The following NTRK2 variants were observed in gnomAD, a reference collection of about 807,000 sequenced individuals.
NTRK2 encodes BDNF/NT-3 growth factors receptor.
In NTRK2, 13 loss-of-function variants were observed where a neutral mutation model predicts 94.5. The observed-to-expected ratio is 0.14, with a 90% CI of 0.09 to 0.22. NTRK2 has a LOEUF of 0.22. Ranked by LOEUF, NTRK2 falls within the 10% of genes least tolerant of loss-of-function variation. The pLI is 1.00. For missense variants in NTRK2, 639 were observed against 1,071.2 expected (o/e 0.60, Z 5.63); for synonymous variants, 372 against 407.4 (o/e 0.91, Z 1.05).
intron 17 of NTRK2, among the ~76,000 whole-genome samples, chr9:84,987,951 A>AATCTTTACTG (rs1588125190): frequency 6.6e-6 from 1 of 152,318 alleles, no homozygotes; most frequent in East Asian, 1.9e-4. Context: ...ACTTCCTTAA[A>AATCTTTACTG]ATCTTTACTG....
At chr9:84,924,676 G>A (rs1452252870) in intron 14 of NTRK2, among the ~76,000 whole-genome samples, 3 of 152,170 alleles carry the variant, frequency 2.0e-5, no homozygotes, top group African/African-American at 4.8e-5. Context: ...GATTTCTGGG[G>A]CTTTCCCCCC....
intron 17 of NTRK2, among the ~76,000 whole-genome samples, chr9:84,998,888 G>A (rs1830049626): frequency 6.6e-6 from 1 of 152,202 alleles, no homozygotes; most frequent in Admixed American, 6.5e-5. Flanking sequence ...AAGTACCAAT[G>A]TGTGAAAGGT....
intron 15 of NTRK2, among the ~76,000 whole-genome samples, chr9:84,940,267 G>T (rs1430577375): frequency 6.6e-6 from 1 of 152,202 alleles, no homozygotes; most frequent in Non-Finnish European, 1.5e-5. Flanking sequence ...AATAGGAATT[G>T]CAGGAGAGCT....
chr9:84,881,363 G>A lies in NTRK2; in HGVS notation c.1633+13932G>A, dbSNP rs142917891. 5.3e-5 allele frequency among the ~76,000 whole-genome samples: 8 copies of A among 152,298 alleles called. No individual in the cohort carries two copies. In the East Asian group the frequency reaches 7.7e-4, roughly 15 times the overall value. ...CGTATGTCTCTGTTGGATGATGAAC[G>A]TGTAATCAGGAAGTCACGTCTCACC... On this transcript the variant is annotated intron_variant, in intron 14 of 18. Coordinates refer to ENST00000277120, the MANE Select transcript of NTRK2 (RefSeq NM_006180.6).
chr9:84,853,327 G>A (rs1041097864), intron 12 of NTRK2, among the ~76,000 whole-genome samples: 2 of 152,138 alleles, frequency 1.3e-5, no homozygotes, highest in African/African-American at 2.4e-5. Context: ...AGGTCATGCC[G>A]TTCACTTCTG....
chr9:85,007,405 G>C (rs1250574560), intron 17 of NTRK2, among the ~76,000 whole-genome samples: 1 of 152,192 alleles, frequency 6.6e-6, no homozygotes, highest in East Asian at 1.9e-4. Context: ...ATCAAACGGG[G>C]CACAAGCAGC....
intron 14 of NTRK2, chr9:84,872,061 G>A (rs199669618): frequency 2.1e-5 from 29 of 1,379,882 alleles, no homozygotes; most frequent in South Asian, 3.1e-5. Flanking sequence ...CCATCTCCTC[G>A]ATCAATCAGG....
intron 17 of NTRK2, among the ~76,000 whole-genome samples, chr9:85,018,703 GGTCAGT>G (rs1034104131): frequency 2.0e-5 from 3 of 152,298 alleles, no homozygotes; most frequent in Non-Finnish European, 4.4e-5. Context: ...CTTTCTGGTT[GGTCAGT>G]GTCTGTGCCA....
intron 12 of NTRK2, among the ~76,000 whole-genome samples, chr9:84,855,443 G>A (rs2075017379): frequency 1.3e-5 from 2 of 152,126 alleles, no homozygotes; most frequent in African/African-American, 4.8e-5. Context: ...TAGCATTTGG[G>A]GGTGAGAACT....
intron 12 of NTRK2, among the ~76,000 whole-genome samples, chr9:84,784,200 G>A (rs576293732): frequency 9.2e-5 from 14 of 152,144 alleles, no homozygotes; most frequent in Non-Finnish European, 2.1e-4. Context: ...AGTCTCACCT[G>A]TCTTTAAATT....
chr9:84,810,319 A>G (rs1406472934), intron 12 of NTRK2, among the ~76,000 whole-genome samples: 1 of 152,240 alleles, frequency 6.6e-6, no homozygotes, highest in Non-Finnish European at 1.5e-5. Flanking sequence ...ATGTAAAATC[A>G]GTTTTAAGTT....
intron 12 of NTRK2, chr9:84,815,850 G>A (rs2072341579): frequency 1.6e-6 from 1 of 619,302 alleles, no homozygotes; most frequent in Non-Finnish European, 2.0e-6. Context: ...AGTTTCAGGG[G>A]AGTACCAGGC....
chr9:84,720,981 C>T (rs1456931503), intron 6 of NTRK2, among the ~76,000 whole-genome samples: 1 of 152,176 alleles, frequency 6.6e-6, no homozygotes, highest in East Asian at 1.9e-4. Flanking sequence ...GGTCCAACCT[C>T]CAAACAATAG....
rs2060382074 is a variant in NTRK2, at chr9:84,696,463, A to G, written c.213-5696A>G. ...TTTCCTTTGTTTGCTTGTTTTCTGC[A>G]TGAGAAGTGAAGCTGTGTCCTATGA... On this transcript the variant is annotated intron_variant, in intron 2 of 18. Coordinates refer to ENST00000277120, the MANE Select transcript of NTRK2 (RefSeq NM_006180.6). 2.6e-5 allele frequency among the ~76,000 whole-genome samples: 4 copies of G among 152,140 alleles called. No individual in the cohort carries two copies. The South Asian group carries it at 8.3e-4, about 31-fold the overall frequency.
At chr9:84,865,688 C>T (rs543137862) in intron 13 of NTRK2, among the ~76,000 whole-genome samples, 1 of 152,324 alleles carries the variant, frequency 6.6e-6, no homozygotes, top group South Asian at 2.1e-4. Context: ...CAGACATTTC[C>T]CTGGCATGGC....
chr9:84,812,168 C>G, intron 12 of NTRK2: 1 of 1,058,228 alleles, frequency 9.4e-7, no homozygotes, highest in Non-Finnish European at 1.1e-6. Flanking sequence ...CTCTGTAAAC[C>G]AAGGCATTAA....
At chr9:84,876,918 AT>A in intron 14 of NTRK2, 3 of 1,061,332 alleles carry the variant, frequency 2.8e-6, no homozygotes, top group Non-Finnish European at 3.4e-6. Context: ...GAGATTTTTG[AT>A]TTCACTGAAT....
rs115635134 is a variant in NTRK2, at chr9:84,786,769, A to G, written c.1396+34684A>G. 5.9e-3 allele frequency among the ~76,000 whole-genome samples: 897 copies of G among 152,126 alleles called. 17 individuals carry two copies. The highest frequency in any genetic ancestry group is 0.021 in the African/African-American group (854 of 41,480). ...GGCCACCACGTGTGTGTGCTTGCAAACTCATTTTTTGCTTTGAGAAACTGT... is the reference window on the plus strand; with the variant it reads ...GGCCACCACGTGTGTGTGCTTGCAAGCTCATTTTTTGCTTTGAGAAACTGT... On this transcript the variant is annotated intron_variant, in intron 12 of 18. Coordinates refer to ENST00000277120, the MANE Select transcript of NTRK2 (RefSeq NM_006180.6).
intron 11 of NTRK2, among the ~76,000 whole-genome samples, chr9:84,750,145 T>C (rs2064455438): frequency 6.6e-6 from 1 of 152,204 alleles, no homozygotes; most frequent in Admixed American, 6.5e-5. Context: ...TTTGGGGGGC[T>C]GTCTTGGGCA....
Sources: allele counts gnomAD v4.1 joint callset (sites outside exome capture counted in the v4.1 genomes callset), GRCh38; gene constraint gnomAD v4.1.1; transcripts MANE v1.5; gene names NCBI Gene and HGNC (gene_info 2026-07-23, HGNC 2026-07-21).